The following LYN variants were observed in gnomAD, a reference collection of about 807,000 sequenced individuals.
LYN encodes the protein LYN proto-oncogene, Src family tyrosine kinase.
A neutral mutation model predicts 65.0 loss-of-function variants in LYN; 12 were observed. The observed-to-expected ratio is 0.18, with a 90% CI of 0.12 to 0.30. The LOEUF (loss-of-function observed/expected upper bound fraction) is 0.30, where lower values mean the gene tolerates loss of function less well. Ranked by LOEUF, LYN falls within the 10% of genes least tolerant of loss-of-function variation. The probability of loss-of-function intolerance (pLI) is 1.00; values close to 1 mark genes in which losing one functional copy is unlikely to be tolerated. For missense variants in LYN, 380 were observed against 623.2 expected (o/e 0.61, Z 4.16); for synonymous variants, 222 against 221.2 (o/e 1.00, Z -0.03).
At chr8:55,979,449 G>A (rs915980071) in intron 10 of LYN, among the ~76,000 whole-genome samples, 2 of 152,130 alleles carry the variant, frequency 1.3e-5, no homozygotes, top group Non-Finnish European at 2.9e-5. Context: ...TGGTTTTGTA[G>A]ACTTCTGTAG....
rs78696954 is a variant in LYN, at chr8:55,913,620, C to T, written c.-5-28235C>T. On this transcript the variant is annotated intron_variant, in intron 1 of 12. Transcript: ENST00000519728. Reference sequence around the variant, plus strand: ...ATGAAATGATTCAGCAAAGTGTAAACGCCCGTAATGGGCTTGGCAGTGTCC... The same window carrying T: ...ATGAAATGATTCAGCAAAGTGTAAATGCCCGTAATGGGCTTGGCAGTGTCC... Among the ~76,000 whole-genome samples the T allele has an allele frequency of 4.8e-3, 729 of 152,302 alleles. 8 individuals carry two copies. The highest frequency in any genetic ancestry group is 0.016 in the African/African-American group (671 of 41,556).
chr8:55,911,196 C>CGTATATATAT (rs1805617285), intron 1 of LYN, among the ~76,000 whole-genome samples: 2 of 5,530 alleles, frequency 3.6e-4, no homozygotes, highest in Admixed American at 5.3e-3. Flanking sequence ...TATACACACA[C>CGTATATATAT]ACATATATAT....
At chr8:55,917,500 A>G (rs1805811265) in intron 1 of LYN, among the ~76,000 whole-genome samples, 1 of 152,196 alleles carries the variant, frequency 6.6e-6, no homozygotes, top group South Asian at 2.1e-4. Flanking sequence ...AAGTGTTTAT[A>G]TCCTGGATAC....
At chr8:55,964,844 G>A (rs753515425) in intron 8 of LYN, among the ~76,000 whole-genome samples, 10 of 152,224 alleles carry the variant, frequency 6.6e-5, no homozygotes, top group Admixed American at 1.3e-4. Flanking sequence ...GTTTTACTCA[G>A]CAGGCTTCCA....
At chr8:55,918,729 T>A (rs1805850920) in intron 1 of LYN, among the ~76,000 whole-genome samples, 1 of 152,140 alleles carries the variant, frequency 6.6e-6, no homozygotes, top group Admixed American at 6.6e-5. Context: ...TCACTGAGGC[T>A]GAGGGATTCA....
chr8:55,994,347 T>G (rs748806640), intron 10 of LYN, among the ~76,000 whole-genome samples: 6 of 152,214 alleles, frequency 3.9e-5, no homozygotes, highest in Non-Finnish European at 7.3e-5. Context: ...GGTGAACGCT[T>G]TAATTACTGT....
chr8:55,905,185 C>T (rs1325510070), intron 1 of LYN, among the ~76,000 whole-genome samples: 1 of 152,058 alleles, frequency 6.6e-6, no homozygotes, highest in Non-Finnish European at 1.5e-5. Context: ...CTGAGGCAGG[C>T]GGATCACCTG....
intron 1 of LYN, among the ~76,000 whole-genome samples, chr8:55,936,621 CAG>C (rs748322018): frequency 2.3e-4 from 35 of 152,158 alleles, no homozygotes; most frequent in Non-Finnish European, 4.7e-4. Flanking sequence ...GCCTGGGTGA[CAG>C]AGTGAGACTC....
At chr8:55,964,114 G>T (rs1807372766) in intron 8 of LYN, among the ~76,000 whole-genome samples, 1 of 151,978 alleles carries the variant, frequency 6.6e-6, no homozygotes, top group South Asian at 2.1e-4. Context: ...ATTATTTTAG[G>T]TAGGTGGTAG....
At chr8:55,984,039 T>G (rs557420552) in intron 10 of LYN, among the ~76,000 whole-genome samples, 3 of 152,302 alleles carry the variant, frequency 2.0e-5, no homozygotes, top group African/African-American at 7.2e-5. Context: ...CATGTCTTGT[T>G]GACCGCACTG....
chr8:55,903,724 T>A (rs1383440464), intron 1 of LYN, among the ~76,000 whole-genome samples: 1 of 152,192 alleles, frequency 6.6e-6, no homozygotes, highest in East Asian at 1.9e-4. Context: ...AATGTAGAAT[T>A]TAAAGTGTTT....
intron 1 of LYN, among the ~76,000 whole-genome samples, chr8:55,936,129 T>C (rs1022927191): frequency 1.3e-5 from 2 of 151,924 alleles, no homozygotes; most frequent in African/African-American, 4.8e-5. Context: ...GTAGGGAACA[T>C]ACTTTTAGGG....
intron 8 of LYN, among the ~76,000 whole-genome samples, chr8:55,962,053 C>A (rs1274366870): frequency 6.6e-6 from 1 of 152,238 alleles, no homozygotes; most frequent in East Asian, 1.9e-4. Flanking sequence ...ACCAAATGTG[C>A]TCTTTTACGT....
intron 1 of LYN, among the ~76,000 whole-genome samples, chr8:55,939,279 A>G (rs1806527737): frequency 6.6e-6 from 1 of 152,182 alleles, no homozygotes; most frequent in Non-Finnish European, 1.5e-5. Flanking sequence ...GGCCATGCTA[A>G]TTCTCCACGT....
chr8:55,900,381 A>AT (rs1444421864), intron 1 of LYN, among the ~76,000 whole-genome samples: 1 of 151,572 alleles, frequency 6.6e-6, no homozygotes, highest in African/African-American at 2.4e-5. Context: ...TTTATTTTTA[A>AT]TTTTTTTTAG....
intron 2 of LYN, among the ~76,000 whole-genome samples, chr8:55,943,345 A>G (rs1321429938): frequency 6.6e-6 from 1 of 152,132 alleles, no homozygotes; most frequent in East Asian, 1.9e-4. Flanking sequence ...TCATGCCTGT[A>G]CTTTGGGAGG....
intron 12 of LYN, among the ~76,000 whole-genome samples, chr8:56,004,270 A>T (rs1808615610): frequency 6.6e-6 from 1 of 151,172 alleles, no homozygotes; most frequent in Non-Finnish European, 1.5e-5. Flanking sequence ...TATGCACATT[A>T]AAAAAGTAGT....
At chr8:55,983,283 C>T (rs1807979396) in intron 10 of LYN, among the ~76,000 whole-genome samples, 1 of 152,132 alleles carries the variant, frequency 6.6e-6, no homozygotes, top group African/African-American at 2.4e-5. Context: ...TGTCTCTTTC[C>T]CTGAGACAAG....
intron 8 of LYN, among the ~76,000 whole-genome samples, chr8:55,966,271 C>T (rs191377105): frequency 3.9e-5 from 6 of 152,180 alleles, no homozygotes; most frequent in Admixed American, 2.0e-4. Flanking sequence ...TTCATCTAGC[C>T]TCCCCTAATT....
Sources: gnomAD v4.1 joint callset for allele counts (sites outside exome capture counted in the v4.1 genomes callset) on GRCh38, gnomAD v4.1.1 for gene constraint, MANE v1.5 for transcripts, NCBI Gene and HGNC (gene_info 2026-07-23, HGNC 2026-07-21) for gene names.